CELF5: variants seen among roughly 807,000 people sequenced by gnomAD.
CELF5 encodes the protein CUGBP Elav-like family member 5, also known as CUG-BP and ETR-3 like factor 5.
Under a neutral mutation model 54.9 loss-of-function variants are expected in CELF5, and 6 were observed. The observed-to-expected ratio is 0.11, with a 90% CI of 0.06 to 0.22. The LOEUF is 0.22. Among genes scored for constraint, CELF5 ranks in the 10% least tolerant of loss-of-function variants. The pLI, the probability that CELF5 is intolerant of heterozygous loss-of-function variation, is 1.00. For synonymous variants in CELF5, 271 were observed against 290.9 expected (o/e 0.93, Z 0.70); for missense variants, 401 against 678.6 (o/e 0.59, Z 4.54).
At chr19:3,272,318 G>A (rs564474175) in intron 2 of CELF5, among the ~76,000 whole-genome samples, 8 of 151,642 alleles carry the variant, frequency 5.3e-5, no homozygotes, top group Non-Finnish European at 8.8e-5. Context: ...GCAGTAAGCC[G>A]AGATCACGTC....
chr19:3,225,470 CCCCCACCCCCATTCATTCAGCCT>C, intron 1 of CELF5: 2 of 394,468 alleles, frequency 5.1e-6, no homozygotes, highest in Non-Finnish European at 6.7e-6. Context: ...CCTCCCTGCC[CCCCCACCCCCATTCATTCAGCCT>C]CCCCAGGCCC....
chr19:3,274,692 T>C (rs1373028114), intron 3 of CELF5, among the ~76,000 whole-genome samples: 2 of 152,150 alleles, frequency 1.3e-5, no homozygotes, highest in African/African-American at 4.8e-5. Context: ...ATATTTCCTC[T>C]CCATCTCAAG....
At chr19:3,293,228 C>A in intron 11 of CELF5, 91 bp from the exon 12 acceptor site, 1 of 1,543,088 alleles carries the variant, frequency 6.5e-7, no homozygotes. Context: ...CTGCTCAGGA[C>A]CCCGTGAGCC....
At chr19:3,242,594 C>T (rs1414732339) in intron 1 of CELF5, among the ~76,000 whole-genome samples, 2 of 152,026 alleles carry the variant, frequency 1.3e-5, no homozygotes, top group Non-Finnish European at 2.9e-5. Context: ...ATCATAAGGT[C>T]GGGAGTTCAA....
intron 4 of CELF5, among the ~76,000 whole-genome samples, chr19:3,276,689 C>CGGGGG (rs2080059751): frequency 8.1e-6 from 1 of 123,436 alleles, no homozygotes; most frequent in Non-Finnish European, 1.7e-5. Flanking sequence ...GGCGGGGCTG[C>CGGGGG]GGTGGGGTGG....
At chr19:3,289,264 A>T (rs753116116) in intron 10 of CELF5, among the ~76,000 whole-genome samples, 6 of 151,758 alleles carry the variant, frequency 4.0e-5, no homozygotes, top group South Asian at 2.1e-4. Flanking sequence ...AATAAAAAAA[A>T]TTTTTTTTTG....
intron 1 of CELF5, among the ~76,000 whole-genome samples, chr19:3,248,562 C>T (rs1331084274): frequency 6.6e-6 from 1 of 152,146 alleles, no homozygotes; most frequent in East Asian, 1.9e-4. Context: ...CTTTTTGTGG[C>T]TGGATAATAT....
intron 10 of CELF5, chr19:3,286,287 C>T (rs2080247221): frequency 1.2e-5 from 5 of 427,554 alleles, no homozygotes; most frequent in Non-Finnish European, 2.1e-5. Flanking sequence ...TCTCCAGAAC[C>T]AAGAGTGATT....
chr19:3,285,876 G>A, intron 9 of CELF5, 66 bp from the exon 10 acceptor site: 3 of 485,016 alleles, frequency 6.2e-6, no homozygotes, highest in Non-Finnish European at 5.4e-6. Context: ...TCCCCGCCCA[G>A]CGGCCCAGGC....
chr19:3,224,959 C>T lies in CELF5; in HGVS notation c.220C>T (p.Leu74Phe), dbSNP rs761185897. 3.1e-6 allele frequency: 5 copies of T among 1,606,828 alleles called. No individual in the cohort carries two copies. The Admixed American group carries it at 6.7e-5, about 22-fold the overall frequency. Residue 74 changes from leucine (L) to phenylalanine (F), a missense_variant, in exon 1 of 13, where the codon CTC (leucine) becomes TTC (phenylalanine). Leu to Phe is a conservative substitution (Grantham distance 22). Transcript: ENST00000292672. ...CGAGCAGTTCGGCCGCATCTACGAG[C>T]TCACGGTGCTCAAAGACCCCTACAC... ...LFEQFGRIYE[L>F]TVLKDPYTGM...
chr19:3,245,785 A>T (rs2079558360), intron 1 of CELF5, among the ~76,000 whole-genome samples: 1 of 152,184 alleles, frequency 6.6e-6, no homozygotes, highest in African/African-American at 2.4e-5. Flanking sequence ...AAAGATGAGC[A>T]CATAGACTCT....
At position 3,228,888 on chromosome 19, in the gene CELF5, GT is replaced by G. The variant is rs1917105554; in HGVS notation, c.259+3891del. 6.7e-6 allele frequency among the ~76,000 whole-genome samples: 1 copy of G among 148,680 alleles called. No individual in the cohort carries two copies. The highest frequency in any genetic ancestry group is 2.2e-4 in the South Asian group (1 of 4,558). ...AGGGTTGGCCGGCGTGTGTGTGTGT[GT>G]GTGTGTGTGTGTGTGTGTGTGTGTG... is the stretch of plus-strand genomic sequence containing the variant. On this transcript the variant is annotated intron_variant, in intron 1 of 12. Coordinates refer to ENST00000292672, the MANE Select transcript of CELF5 (RefSeq NM_021938.4). The surrounding 1 kb of genome is among the most constrained non-coding windows in gnomAD (Gnocchi z 6.0).
At chr19:3,225,148 C>T (rs1204008283) in intron 1 of CELF5, 150 bp downstream of exon 1, 8 of 470,188 alleles carry the variant, frequency 1.7e-5, no homozygotes, top group Middle Eastern at 5.6e-4. Flanking sequence ...CCCCTCCCTC[C>T]CACCCACCCC....
At chr19:3,236,688 A>G (rs1416619308) in intron 1 of CELF5, among the ~76,000 whole-genome samples, 1 of 152,124 alleles carries the variant, frequency 6.6e-6, no homozygotes, top group East Asian at 1.9e-4. Context: ...GAGGGGAAGG[A>G]CAAAAATGAA....
rs1258681660 is a variant in CELF5, at chr19:3,235,720, G to A, written c.259+10722G>A. 4.2e-5 allele frequency among the ~76,000 whole-genome samples: 6 copies of A among 144,572 alleles called. 1 individual carries two copies. The highest frequency in any genetic ancestry group is 1.5e-4 in the African/African-American group (6 of 39,258). The allele number at this position is 144,572 out of a possible 152,430, so 94.8% of individuals were successfully genotyped here. A position where few individuals can be genotyped will look rare whatever the true frequency, so the allele number is the denominator to read the frequency against. On this transcript the variant is annotated intron_variant, in intron 1 of 12. Coordinates refer to ENST00000292672, the MANE Select transcript of CELF5 (RefSeq NM_021938.4). ...TGGATGGATGGATGGATGGATGTGT[G>A]GATGGGTGGATGGATGGATGGATGG...
At position 3,248,906 on chromosome 19, in the gene CELF5, CT is replaced by C. The variant is rs398033720; in HGVS notation, c.260-2076del. On this transcript the variant is annotated intron_variant, in intron 1 of 12. Coordinates refer to ENST00000292672, the MANE Select transcript of CELF5 (RefSeq NM_021938.4). ...CCTTCCTTCCTTCCTTCCTTCCTTC[CT>C]TTCTTTCTTTCTTTCTTTCTTTTCT... Among the ~76,000 whole-genome samples, 273 of 113,390 alleles carry C rather than the reference CT, an allele frequency of 2.4e-3. 2 individuals carry two copies. Among genetic ancestry groups the C allele is most frequent in the African/African-American group, 8.2e-3 (255 of 31,268 alleles). 74.4% of individuals were successfully genotyped at this position (113,390 alleles called of 152,430 possible).
intron 2 of CELF5, among the ~76,000 whole-genome samples, chr19:3,273,358 C>T (rs1304180011): frequency 6.6e-6 from 1 of 151,716 alleles, no homozygotes; most frequent in Admixed American, 6.6e-5. Context: ...GAGGCCCCTC[C>T]TCCTCCCCTA....
intron 2 of CELF5, among the ~76,000 whole-genome samples, chr19:3,254,694 T>C (rs1480058814): frequency 6.7e-6 from 1 of 150,150 alleles, no homozygotes; most frequent in Non-Finnish European, 1.5e-5. Context: ...CACCCATCCA[T>C]TCACCCACAC....
At chr19:3,266,827 C>G (rs546237529) in intron 2 of CELF5, among the ~76,000 whole-genome samples, 2 of 152,198 alleles carry the variant, frequency 1.3e-5, no homozygotes, top group Non-Finnish European at 2.9e-5. Flanking sequence ...GAAGACCCCC[C>G]GGCCTGCCAG....
Sources: allele counts gnomAD v4.1 joint callset (sites outside exome capture counted in the v4.1 genomes callset), GRCh38; gene constraint gnomAD v4.1.1; non-coding constraint Gnocchi (gnomAD v3.1); transcripts MANE v1.5; gene names NCBI Gene and HGNC (gene_info 2026-07-23, HGNC 2026-07-21).